The following LINGO2 variants were observed in gnomAD, a reference collection of about 807,000 sequenced individuals.
LINGO2 encodes the protein leucine-rich repeat and immunoglobulin-like domain-containing nogo receptor-interacting protein 2.
In LINGO2, 14 loss-of-function variants were observed where a neutral mutation model predicts 30.6. That is an observed-to-expected ratio of 0.46 (90% CI 0.30 to 0.72). The LOEUF (loss-of-function observed/expected upper bound fraction) is 0.72, where lower values mean the gene tolerates loss of function less well. LINGO2 is among the 30% of genes least tolerant of loss of function. The pLI is 0.07. For missense variants in LINGO2, 729 were observed against 751.7 expected (o/e 0.97, Z 0.35); for synonymous variants, 317 against 288.5 (o/e 1.10, Z -1.00).
At chr9:28,686,741 T>C in the LINGO2 span, among the ~76,000 whole-genome samples, 8 of 152,064 alleles carry the variant, frequency 5.3e-5, no homozygotes, top group Non-Finnish European at 5.9e-5. Context: ...TCGGACACCT[T>C]TGTCTGACAA....
chr9:28,962,345 T>C, the LINGO2 span, among the ~76,000 whole-genome samples: 2 of 152,110 alleles, frequency 1.3e-5, no homozygotes, highest in Non-Finnish European at 2.9e-5. Context: ...TCCAAATTCA[T>C]ACAGATAGTA....
At chr9:28,083,363 G>A (rs1345889842) in intron 4 of LINGO2, among the ~76,000 whole-genome samples, 1 of 152,164 alleles carries the variant, frequency 6.6e-6, no homozygotes, top group Non-Finnish European at 1.5e-5. Flanking sequence ...GGGTGATGGT[G>A]AGAACCTTCT....
chr9:28,630,850 A>T (rs1043934950), intron 1 of LINGO2, among the ~76,000 whole-genome samples: 1 of 151,960 alleles, frequency 6.6e-6, no homozygotes, highest in African/African-American at 2.4e-5. Flanking sequence ...AACCCTCAGA[A>T]TCAAAACAGC....
chr9:28,994,198 A>T, the LINGO2 span, among the ~76,000 whole-genome samples: 1 of 152,202 alleles, frequency 6.6e-6, no homozygotes, highest in South Asian at 2.1e-4. Context: ...ATGTACAAAA[A>T]TCACAAGCAT....
At chr9:29,160,551 CAA>C in the LINGO2 span, among the ~76,000 whole-genome samples, 1 of 152,148 alleles carries the variant, frequency 6.6e-6, no homozygotes, top group Non-Finnish European at 1.5e-5. Context: ...TTATCCTGCT[CAA>C]GTTTCTCTAA....
chr9:28,639,122 G>A (rs1399625386), intron 1 of LINGO2, among the ~76,000 whole-genome samples: 1 of 152,138 alleles, frequency 6.6e-6, no homozygotes. Context: ...CCATGTAGTT[G>A]AGCGGTTTTG....
At chr9:29,148,946 A>G in the LINGO2 span, among the ~76,000 whole-genome samples, 1 of 152,300 alleles carries the variant, frequency 6.6e-6, no homozygotes, top group African/African-American at 2.4e-5. Context: ...AATAGGAAAA[A>G]GTGTTTTATG....
the LINGO2 span, among the ~76,000 whole-genome samples, chr9:29,090,779 ATTT>A: frequency 4.7e-4 from 72 of 152,038 alleles, no homozygotes; most frequent in South Asian, 9.7e-3. Flanking sequence ...TTTATTATTT[ATTT>A]ATCCTTGATT....
chr9:28,012,530 T>C (rs1822610349), intron 4 of LINGO2: 1 of 152,100 alleles, frequency 6.6e-6, no homozygotes, highest in South Asian at 2.1e-4. Context: ...AGGAGTGCAA[T>C]GCTAATCATA....
intron 4 of LINGO2, among the ~76,000 whole-genome samples, chr9:28,049,601 G>GA (rs1824578899): frequency 6.6e-6 from 1 of 150,552 alleles, no homozygotes; most frequent in African/African-American, 2.5e-5. Context: ...CCGCTTATTA[G>GA]CTTATTATTC....
intron 3 of LINGO2, among the ~76,000 whole-genome samples, chr9:28,313,615 G>A (rs1188129527): frequency 6.6e-6 from 1 of 152,124 alleles, no homozygotes; most frequent in Non-Finnish European, 1.5e-5. Context: ...TTGTTAGGCA[G>A]AGAGGCTGGA....
the LINGO2 span, among the ~76,000 whole-genome samples, chr9:28,980,223 T>G: frequency 3.3e-5 from 5 of 152,122 alleles, no homozygotes; most frequent in East Asian, 9.6e-4. Context: ...TCCAGCTTCA[T>G]AATGACCACA....
chr9:28,609,007 C>T (rs1167802741), intron 1 of LINGO2, among the ~76,000 whole-genome samples: 2 of 151,924 alleles, frequency 1.3e-5, no homozygotes, highest in African/African-American at 2.4e-5. Flanking sequence ...GAAATAGTTA[C>T]ATAGCTTCAA....
rs532070005 is a variant in LINGO2 at position 28,315,314 on chromosome 9, G to T, written c.-245-19948C>A. On this transcript the variant is annotated intron_variant, in intron 3 of 5. Transcript: ENST00000379992. ...TAGCTACTCGGGAGGCTGAGGCAGA[G>T]AATTTCTTAACCCGGAGGCACAGGT... 3.3e-5 allele frequency among the ~76,000 whole-genome samples: 5 copies of T among 151,506 alleles called. No individual in the cohort carries two copies. In the South Asian group the frequency reaches 8.3e-4, roughly 25 times the overall value.
Position 28,561,749 on chromosome 9 carries a change from G to GTATATA in LINGO2, c.-364-85730_-364-85725dup, listed in dbSNP as rs1554637723. On this transcript the variant is annotated intron_variant, in intron 1 of 5. Transcript: ENST00000379992. ...TATATATAATTTTGTGTGTGTGTGT[G>GTATATA]TATATATATATATATATATATATAT... Among the ~76,000 whole-genome samples the GTATATA allele has an allele frequency of 7.6e-3, 369 of 48,726 alleles. 49 individuals are homozygous for GTATATA. Among genetic ancestry groups the GTATATA allele is most frequent in the East Asian group, 0.013 (23 of 1,780 alleles). The allele number at this position is 48,726 out of a possible 152,430, so 32.0% of individuals were successfully genotyped here.
intron 4 of LINGO2, among the ~76,000 whole-genome samples, chr9:28,062,044 C>T (rs1297073384): frequency 6.6e-6 from 1 of 152,024 alleles, no homozygotes; most frequent in Admixed American, 6.6e-5. Flanking sequence ...GTTGTTACTA[C>T]TAACACTTAG....
At chr9:28,627,667 G>A (rs1489238790) in intron 1 of LINGO2, among the ~76,000 whole-genome samples, 2 of 151,974 alleles carry the variant, frequency 1.3e-5, no homozygotes, top group Non-Finnish European at 2.9e-5. Context: ...GTTTAAGGTA[G>A]GGAAAACAAG....
chr9:28,937,798 T>C, the LINGO2 span, among the ~76,000 whole-genome samples: 1 of 152,144 alleles, frequency 6.6e-6, no homozygotes, highest in African/African-American at 2.4e-5. Flanking sequence ...TCTTTTTTTT[T>C]CCACTTTTAT....
the LINGO2 span, among the ~76,000 whole-genome samples, chr9:29,034,664 TTAAGA>T: frequency 6.6e-6 from 1 of 152,174 alleles, no homozygotes; most frequent in Non-Finnish European, 1.5e-5. Context: ...AGTGTCTATT[TTAAGA>T]TATCAATAAA....
Sources: allele counts gnomAD v4.1 joint callset (sites outside exome capture counted in the v4.1 genomes callset), GRCh38; gene constraint gnomAD v4.1.1; transcripts MANE v1.5; gene names NCBI Gene and HGNC (gene_info 2026-07-23, HGNC 2026-07-21).